The following GRIK1 variants were observed in gnomAD, a reference collection of about 807,000 sequenced individuals.
GRIK1 encodes glutamate ionotropic receptor kainate type subunit 1, also known as glutamate receptor ionotropic, kainate 1.
Under a neutral mutation model 105.7 loss-of-function variants are expected in GRIK1, and 69 were observed. The ratio of observed to expected loss-of-function variants is 0.65; its 90% confidence interval spans 0.54 to 0.80. The LOEUF is 0.80. Ranked by LOEUF, GRIK1 falls within the 30% of genes least tolerant of loss-of-function variation. The pLI is 0.00. For synonymous variants in GRIK1, 438 were observed against 431.3 expected (o/e 1.02, Z -0.19); for missense variants, 1,109 against 1,167.3 (o/e 0.95, Z 0.73).
At chr21:29,553,664 T>C (rs2090177078) in intron 16 of GRIK1, 4 of 1,607,598 alleles carry the variant, frequency 2.5e-6, no homozygotes, top group African/African-American at 1.3e-5. Flanking sequence ...GTTGGTTGGA[T>C]GGGTTTGCTT....
rs76848456 is a variant in GRIK1 at position 29,855,837 on chromosome 21, G to A, written c.118+83546C>T. Among the ~76,000 whole-genome samples, 4 of 152,280 alleles carry A rather than the reference G, an allele frequency of 2.6e-5. No homozygotes were observed. The East Asian group carries it at 7.7e-4, about 29-fold the overall frequency. On this transcript the variant is annotated intron_variant, in intron 1 of 17. Coordinates refer to ENST00000327783, the MANE Select transcript of GRIK1 (RefSeq NM_001330994.2). The stretch of plus-strand genomic sequence containing the variant: ...GATGTTTTTGGAGACACGATCGGTA[G>A]GATTTTCTGACAGATGAAATGGGAG...
chr21:29,543,151 G>A (rs2069509026), intron 16 of GRIK1, among the ~76,000 whole-genome samples: 1 of 152,030 alleles, frequency 6.6e-6, no homozygotes, highest in Non-Finnish European at 1.5e-5. Flanking sequence ...TAGTTCTGTG[G>A]AGCCAGTGTC....
intron 7 of GRIK1, among the ~76,000 whole-genome samples, chr21:29,608,392 A>G (rs1424566963): frequency 6.6e-6 from 1 of 152,170 alleles, no homozygotes; most frequent in African/African-American, 2.4e-5. Flanking sequence ...ACCTCGGAGT[A>G]TAATATATGC....
intron 1 of GRIK1, among the ~76,000 whole-genome samples, chr21:29,849,478 CCTTTGTTATA>C (rs2068237676): frequency 6.6e-6 from 1 of 152,140 alleles, no homozygotes; most frequent in African/African-American, 2.4e-5. Context: ...AGTGTTGCCT[CCTTTGTTATA>C]CTTTGTTTCC....
intron 1 of GRIK1, among the ~76,000 whole-genome samples, chr21:29,905,619 A>ATTTTTTTTTTTT (rs869179451): frequency 1.4e-5 from 1 of 72,582 alleles, no homozygotes; most frequent in Non-Finnish European, 2.5e-5. Flanking sequence ...CAAATTTTGT[A>ATTTTTTTTTTTT]TTTTTTTTTT....
chr21:29,928,343 A>T (rs1290438965), intron 1 of GRIK1, among the ~76,000 whole-genome samples: 1 of 152,210 alleles, frequency 6.6e-6, no homozygotes, highest in East Asian at 1.9e-4. Context: ...GCTGAGATAG[A>T]CATGTGATAA....
chr21:29,837,711 A>G (rs1034117589), intron 1 of GRIK1, among the ~76,000 whole-genome samples: 5 of 152,240 alleles, frequency 3.3e-5, no homozygotes, highest in African/African-American at 1.2e-4. Context: ...TTATAAATAT[A>G]TCAAACTTAA....
At chr21:29,849,454 C>T (rs929693113) in intron 1 of GRIK1, among the ~76,000 whole-genome samples, 2 of 152,168 alleles carry the variant, frequency 1.3e-5, no homozygotes, top group South Asian at 4.1e-4. Context: ...AAACTAAATC[C>T]TCTAAGTCAT....
intron 9 of GRIK1, 61 bp downstream of exon 9, chr21:29,596,465 T>C (rs565558729): frequency 1.8e-6 from 2 of 1,114,450 alleles, no homozygotes; most frequent in African/African-American, 1.5e-5. Context: ...GGCACAGGCC[T>C]TTCCAATGAC....
rs2062543589 is a variant in GRIK1 at position 29,642,940 on chromosome 21, C to T, written c.984G>A (p.Val328=). The change falls in exon 7 of 18, where the codon GTG becomes GTA. Residue 328 remains valine (V), a synonymous_variant. Coordinates refer to ENST00000327783, the MANE Select transcript of GRIK1 (RefSeq NM_001330994.2). ...GGTGCGAGGCAATGGCCACCATGTACACAGCATCGTACATCAGAGCCGCTT... is the reference window on the plus strand; with the variant it reads ...GGTGCGAGGCAATGGCCACCATGTATACAGCATCGTACATCAGAGCCGCTT... ...TTEAALMYDA[V]YMVAIASHRA... 2.5e-6 allele frequency: 4 copies of T among 1,613,982 alleles called. 1 individual carries two copies. Among genetic ancestry groups the T allele is most frequent in the Admixed American group, 1.7e-5 (1 of 60,004 alleles).
chr21:29,699,351 C>G (rs1391653626), intron 1 of GRIK1, among the ~76,000 whole-genome samples: 1 of 152,128 alleles, frequency 6.6e-6, no homozygotes, highest in East Asian at 1.9e-4. Context: ...CCTTAAACCA[C>G]TCTGACTGGG....
At chr21:29,886,530 T>C (rs1344040882) in intron 1 of GRIK1, among the ~76,000 whole-genome samples, 2 of 152,182 alleles carry the variant, frequency 1.3e-5, no homozygotes, top group East Asian at 1.9e-4. Flanking sequence ...TTGTTTTCTA[T>C]TGAATGACTT....
intron 15 of GRIK1, among the ~76,000 whole-genome samples, chr21:29,560,355 C>CT (rs373330437): frequency 1.7e-5 from 1 of 58,860 alleles, no homozygotes; most frequent in Non-Finnish European, 3.2e-5. Flanking sequence ...TTCTTTCTTT[C>CT]TTTTTCTTTC....
intron 1 of GRIK1, among the ~76,000 whole-genome samples, chr21:29,792,827 G>A (rs1225336369): frequency 6.6e-6 from 1 of 152,114 alleles, no homozygotes; most frequent in Non-Finnish European, 1.5e-5. Flanking sequence ...CTCATTAGCA[G>A]CTCTTACCAA....
chr21:29,885,351 C>T (rs780506965), intron 1 of GRIK1, among the ~76,000 whole-genome samples: 8 of 152,014 alleles, frequency 5.3e-5, no homozygotes, highest in Non-Finnish European at 1.2e-4. Context: ...ATACCACAAC[C>T]CTGACCTAGC....
intron 7 of GRIK1, among the ~76,000 whole-genome samples, chr21:29,628,867 T>TTA (rs1457297507): frequency 6.6e-6 from 1 of 152,194 alleles, no homozygotes; most frequent in Non-Finnish European, 1.5e-5. Flanking sequence ...AAACAATATG[T>TTA]TATTTATGGA....
At position 29,552,705 on chromosome 21, in the gene GRIK1, G is replaced by A. The variant is rs567659156; in HGVS notation, c.2607+2347C>T. Among the ~76,000 whole-genome samples, 10 of 152,094 alleles carry A rather than the reference G, an allele frequency of 6.6e-5. No homozygotes were observed. The East Asian group carries it at 1.7e-3, about 26-fold the overall frequency. ...GTGAGTGGTAAATAGAAATGAATTA[G>A]TACATAGCTTAGGACTTTGCTGGGA... On this transcript the variant is annotated intron_variant, in intron 16 of 17. Coordinates refer to ENST00000327783, the MANE Select transcript of GRIK1 (RefSeq NM_001330994.2).
intron 7 of GRIK1, among the ~76,000 whole-genome samples, chr21:29,635,554 T>A (rs758023713): frequency 6.6e-6 from 1 of 152,106 alleles, no homozygotes; most frequent in Non-Finnish European, 1.5e-5. Context: ...CTGATATAAA[T>A]GTGAGAAAGG....
intron 1 of GRIK1, among the ~76,000 whole-genome samples, chr21:29,848,755 G>GTGTATATATATATATATATATATATA (rs773386863): frequency 1.1e-5 from 1 of 91,226 alleles, no homozygotes; most frequent in Non-Finnish European, 2.0e-5. Context: ...AGTTGTGTGT[G>GTGTATATATATATATATATATATATA]TATATATATA....
Sources: allele counts gnomAD v4.1 joint callset (sites outside exome capture counted in the v4.1 genomes callset), GRCh38; gene constraint gnomAD v4.1.1; transcripts MANE v1.5; gene names NCBI Gene and HGNC (gene_info 2026-07-23, HGNC 2026-07-21).